The following SALL1 variants were observed in gnomAD, a reference collection of about 807,000 sequenced individuals.
The protein encoded by SALL1 is spalt like transcription factor 1.
A neutral mutation model predicts 73.1 loss-of-function variants in SALL1; 10 were observed. The ratio of observed to expected loss-of-function variants is 0.14; its 90% CI spans 0.08 to 0.23. The LOEUF is 0.23. SALL1 is among the 10% of genes least tolerant of loss of function. The probability of loss-of-function intolerance (pLI) is 1.00; values close to 1 mark genes in which losing one functional copy is unlikely to be tolerated. For synonymous variants in SALL1, 688 were observed against 689.8 expected (o/e 1.00, Z 0.04); for missense variants, 1,520 against 1,697.3 (o/e 0.90, Z 1.84).
At chr16:51,150,692 G>T in intron 1 of SALL1, 6 of 595,504 alleles carry the variant, frequency 1.0e-5, no homozygotes, top group Non-Finnish European at 1.3e-5. Flanking sequence ...CCCAGCGCCC[G>T]AAGTAAACTT....
chr16:51,147,023 C>G (rs977352326), intron 1 of SALL1, among the ~76,000 whole-genome samples: 4 of 152,100 alleles, frequency 2.6e-5, no homozygotes, highest in African/African-American at 9.7e-5. Flanking sequence ...AAAACTTAAC[C>G]AGTCTGCCTA....
At position 51,141,194 on chromosome 16, in the gene SALL1, A is replaced by G. The variant is rs1962419724; in HGVS notation, c.1028T>C (p.Ile343Thr). Reference sequence around the variant, plus strand: ...CGGGGTGGTAACTGCCGCTGCCAATATGTTCATATTGGGAGAAGAGCCGCT... The same window carrying G: ...CGGGGTGGTAACTGCCGCTGCCAATGTGTTCATATTGGGAGAAGAGCCGCT... ...SNSGSSPNMN[I>T]LAAAVTTPSS... Residue 343 changes from isoleucine to threonine, a missense_variant, in exon 2 of 3, where the codon ATA (isoleucine) becomes ACA (threonine). Ile to Thr is a moderately conservative substitution (Grantham distance 89). This residue lies in a region of SALL1 where 540 missense variants were observed against 567.5 expected (regional missense o/e 0.95). Coordinates refer to ENST00000251020, the MANE Select transcript of SALL1 (RefSeq NM_002968.3). The surrounding 1 kb of genome is among the most constrained non-coding windows in gnomAD (Gnocchi z 5.4). 1 of 1,614,006 alleles carries G rather than the reference A, an allele frequency of 6.2e-7. No homozygotes were observed. The highest frequency in any genetic ancestry group is 1.3e-5 in the African/African-American group (1 of 74,912).
In SALL1 at chr16:51,138,716, C is replaced by T. The variant is rs145583796; in HGVS notation, c.3506G>A (p.Arg1169Lys). The change falls in exon 2 of 3, where the codon AGA becomes AAA. Residue 1169 changes from arginine (R) to lysine (K), a missense_variant. Arg to Lys is a conservative substitution (Grantham distance 26, BLOSUM62 2). Coordinates refer to ENST00000251020, the MANE Select transcript of SALL1 (RefSeq NM_002968.3). ...EKPFACTICG[R>K]AFTTKGNLKV... ...AAGATTGCCTTTAGTCGTGAAAGCT[C>T]TTCCACAAATAGTGCAAGCAAAGGG... The T allele has an allele frequency of 1.2e-6, 2 of 1,613,938 alleles. No individual in the cohort carries two copies.
At position 51,145,261 on chromosome 16, in the gene SALL1, ATAAT is replaced by A. The variant is rs774430353; in HGVS notation, c.77-3120_77-3117del. On this transcript the variant is annotated intron_variant, in intron 1 of 2. Transcript: ENST00000251020. ...ACACACACGTACACACGAACATGTT[ATAAT>A]TAATTTTTCTGATTGTCTGCTATCT... is the stretch of plus-strand genomic sequence containing the variant. Among the ~76,000 whole-genome samples the A allele has an allele frequency of 1.5e-4, 23 of 151,756 alleles. 1 individual carries two copies. Among genetic ancestry groups the A allele is most frequent in the Non-Finnish European group, 1.9e-4 (13 of 67,752 alleles).
At position 51,136,708 on chromosome 16, in the gene SALL1, T is replaced by C; in HGVS notation, c.*404A>G. 3 of 276,092 alleles carry C rather than the reference T, an allele frequency of 1.1e-5. No individual in the cohort carries two copies. In the East Asian group the frequency reaches 2.8e-4, roughly 25 times the overall value. The allele number at this position is 276,092 out of a possible 1,614,324, so 17.1% of individuals were successfully genotyped here. A position where few individuals can be genotyped will look rare whatever the true frequency, so the allele number is the denominator to read the frequency against. ...GTATATACAGACTTTATTAGAGATCTAATGCATCACTGAGGCATTGCATCA... is the reference window on the plus strand; with the variant it reads ...GTATATACAGACTTTATTAGAGATCCAATGCATCACTGAGGCATTGCATCA... On this transcript the variant is annotated 3_prime_UTR_variant, in exon 3 of 3. Coordinates refer to ENST00000251020, the MANE Select transcript of SALL1 (RefSeq NM_002968.3).
At chr16:51,151,541 C>T (rs1205438443), upstream of SALL1, among the ~76,000 whole-genome samples, 1 of 151,890 alleles carries the variant, frequency 6.6e-6, no homozygotes, top group African/African-American at 2.4e-5. Flanking sequence ...AGACCCCTGT[C>T]TCTCCGCGCG....
Position 51,136,787 on chromosome 16 carries a change from A to G in SALL1, c.*325T>C. On this transcript the variant is annotated 3_prime_UTR_variant, in exon 3 of 3. Transcript: ENST00000251020. ...GAAAATAAGTTAATGCCAGATTACA[A>G]CTGCCTAGCAGGGCAACTTGCAATT... The G allele has an allele frequency of 2.7e-6, 1 of 365,468 alleles. No homozygotes were observed. The highest frequency in any genetic ancestry group is 5.1e-6 in the Non-Finnish European group (1 of 194,690). The allele number at this position is 365,468 out of a possible 1,614,324, so 22.6% of individuals were successfully genotyped here.
rs568447099 is a variant in SALL1 at position 51,150,393 on chromosome 16, G to C, written c.76+773C>G. The stretch of plus-strand genomic sequence containing the variant: ...GGCGCATACCGACCAGAAAGATTTT[G>C]GGGGGCAGAGGGTGCAAGTGTTGTG... On this transcript the variant is annotated intron_variant, in intron 1 of 2. Coordinates refer to ENST00000251020, the MANE Select transcript of SALL1 (RefSeq NM_002968.3). The C allele has an allele frequency of 1.5e-5, 15 of 985,302 alleles. No homozygotes were observed. The East Asian group carries it at 1.6e-3, about 105-fold the overall frequency. The allele number at this position is 985,302 out of a possible 1,614,324, so 61.0% of individuals were successfully genotyped here. A position where few individuals can be genotyped will look rare whatever the true frequency, so the allele number is the denominator to read the frequency against.
In SALL1 at chr16:51,140,994, C is replaced by T. The variant is rs371508788; in HGVS notation, c.1228G>A (p.Gly410Arg). 1.2e-5 allele frequency: 20 copies of T among 1,614,062 alleles called. No homozygotes were observed. The highest frequency in any genetic ancestry group is 3.3e-5 in the South Asian group (3 of 91,078). ...SVFPSPLPNI[G>R]TTAEDLNSLS... ...GAGTTTAAATCCTCTGCAGTTGTTC[C>T]GATGTTGGGCAAAGGGCTGGGGAAA... The change falls in exon 2 of 3, where the codon GGA (glycine) becomes AGA (arginine). Residue 410 changes from glycine (G) to arginine (R), a missense_variant. Transcript: ENST00000251020. This position sits in a 1 kb window ranked among gnomAD's most constrained non-coding sequence, Gnocchi z 5.7.
Position 51,140,362 on chromosome 16 carries a change from A to G in SALL1, c.1860T>C (p.Ser620=). ...EEAEGSTLPP[S]GGKSEESGMV... ...TGCCACTCTCTTCGCTTTTGCCACC[A>G]GAGGGTGGCAGAGTGGACCCTTCGG... The change falls in exon 2 of 3, where the codon TCT becomes TCC. Residue 620 remains serine, a synonymous_variant. Coordinates refer to ENST00000251020, the MANE Select transcript of SALL1 (RefSeq NM_002968.3). The surrounding 1 kb of genome is among the most constrained non-coding windows in gnomAD (Gnocchi z 5.7). 1 of 1,614,134 alleles carries G rather than the reference A, an allele frequency of 6.2e-7. No homozygotes were observed. Among genetic ancestry groups the G allele is most frequent in the Middle Eastern group, 1.6e-4 (1 of 6,062 alleles).
chr16:51,150,331 A>AC lies in SALL1; in HGVS notation c.76+834dup, dbSNP rs1419568752. ...AAACTATTCTATGACTTCTTCCCTG[A>AC]CCCCCCTGGAAGTAGGGAGCACCAC... On this transcript the variant is annotated intron_variant, in intron 1 of 2. Transcript: ENST00000251020. The AC allele has an allele frequency of 1.8e-5, 16 of 883,722 alleles. No homozygotes were observed. The Middle Eastern group carries it at 1.7e-3, about 94-fold the overall frequency. 54.7% of individuals were successfully genotyped at this position (883,722 alleles called of 1,614,324 possible).
At position 51,137,191 on chromosome 16, in the gene SALL1, T is replaced by C. The variant is rs757540490; in HGVS notation, c.3896A>G (p.Lys1299Arg). ...GGTTCCGTTCTCACTGCTTGCCATT[T>C]TCTCCAGGCCGGCCAGGGGAGCATT... ...EPNAPLAGLE[K>R]MASSENGTNF... Residue 1299 changes from lysine to arginine, a missense_variant, in exon 3 of 3, where the codon AAA (lysine) becomes AGA (arginine). Lys to Arg is a conservative substitution (Grantham distance 26). Transcript: ENST00000251020. 1.2e-6 allele frequency: 2 copies of C among 1,614,168 alleles called. No individual in the cohort carries two copies. Among genetic ancestry groups the C allele is most frequent in the Non-Finnish European group, 1.7e-6 (2 of 1,180,026 alleles).
Position 51,140,193 on chromosome 16 carries a change from C to G in SALL1, c.2029G>C (p.Gly677Arg). 1 of 1,614,140 alleles carries G rather than the reference C, an allele frequency of 6.2e-7. No individual in the cohort carries two copies. Among genetic ancestry groups the G allele is most frequent in the Non-Finnish European group, 8.5e-7 (1 of 1,180,040 alleles). Reference sequence around the variant, plus strand: ...GCCTGAGCTGAGTCCAGGAGTCCCCCAAAAGGAAACTTGGCCTTGAACTGC... The same window carrying G: ...GCCTGAGCTGAGTCCAGGAGTCCCCGAAAAGGAAACTTGGCCTTGAACTGC... ...SEQFKAKFPF[G>R]GLLDSAQASE... is the part of the protein sequence containing the mutation. The change falls in exon 2 of 3, where the codon GGG becomes CGG. Residue 677 changes from glycine to arginine, a missense_variant. This residue lies in a region of SALL1 where 276 missense variants were observed against 259.1 expected (regional missense o/e 1.07). Transcript: ENST00000251020. The surrounding 1 kb of genome is among the most constrained non-coding windows in gnomAD (Gnocchi z 5.7).
In SALL1 at chr16:51,142,150, A is replaced by T. The variant is rs1271308463; in HGVS notation, c.77-5T>A. The stretch of plus-strand genomic sequence containing the variant: ...GTTGACCCTTTTCTGTGTCTCCTAC[A>T]AATGTCAAAAAGGTGCAGGATTAGA... On this transcript the variant is annotated splice_polypyrimidine_tract_variant and splice_region_variant and intron_variant, in intron 1 of 2. Transcript: ENST00000251020. 1.2e-6 allele frequency: 2 copies of T among 1,608,732 alleles called. No homozygotes were observed. The highest frequency in any genetic ancestry group is 1.7e-6 in the Non-Finnish European group (2 of 1,176,578).
At chr16:51,147,850 T>C (rs151186608) in intron 1 of SALL1, among the ~76,000 whole-genome samples, 270 of 146,378 alleles carry the variant, frequency 1.8e-3, no homozygotes, top group Middle Eastern at 7.4e-3. Flanking sequence ...ATAACTGAAA[T>C]CCCAATTTGT....
intron 1 of SALL1, among the ~76,000 whole-genome samples, chr16:51,145,213 C>T (rs1179782378): frequency 6.5e-5 from 3 of 46,486 alleles, no homozygotes; most frequent in Non-Finnish European, 1.1e-4. Context: ...CTCTCACACA[C>T]ACATACACAC....
In SALL1 at chr16:51,137,509, C is replaced by T. The variant is rs868389865; in HGVS notation, c.3578G>A (p.Arg1193Gln). The change falls in exon 3 of 3, where the codon CGG becomes CAG. Residue 1193 changes from arginine to glutamine, a missense_variant. By Grantham distance (43) the Arg-to-Gln change is conservative. Transcript: ENST00000251020. ...THMWNSTPAR[R>Q]GRRLSVDGPM... ...GCCATCCACAGAGAGCCGCCGACCC[C>T]GTCGTGCAGGGGTGCTATTCCACAT... 5.0e-6 allele frequency: 8 copies of T among 1,613,798 alleles called. No individual in the cohort carries two copies. Among genetic ancestry groups the T allele is most frequent in the East Asian group, 2.2e-5 (1 of 44,846 alleles).
Position 51,137,313 on chromosome 16 carries a change from A to C in SALL1, c.3774T>G (p.Gly1258=), listed in dbSNP as rs1962323533. The C allele has an allele frequency of 6.2e-7, 1 of 1,613,872 alleles. No homozygotes were observed. The highest frequency in any genetic ancestry group is 2.2e-5 in the East Asian group (1 of 44,864). Residue 1258 remains glycine, a synonymous_variant, in exon 3 of 3, where the codon GGT becomes GGG. Coordinates refer to ENST00000251020, the MANE Select transcript of SALL1 (RefSeq NM_002968.3). ...KANEISVIQN[G]GIPPIPGSLG... Reference sequence around the variant, plus strand: ...GGCTTCCAGGAATTGGAGGGATGCCACCGTTCTGAATGACGGAGATCTCGT... The same window carrying C: ...GGCTTCCAGGAATTGGAGGGATGCCCCCGTTCTGAATGACGGAGATCTCGT...
At chr16:51,151,113 G>T in intron 1 of SALL1, 53 bp downstream of exon 1, 1 of 1,383,520 alleles carries the variant, frequency 7.2e-7, no homozygotes, top group Admixed American at 2.1e-5. Context: ...GTCCGAGTGT[G>T]CGTGAGTGTG....
Sources: gnomAD v4.1 joint callset for allele counts (sites outside exome capture counted in the v4.1 genomes callset) on GRCh38, gnomAD v4.1.1 for gene constraint, gnomAD v4.1.1 regional missense constraint, Gnocchi (gnomAD v3.1) non-coding constraint, MANE v1.5 for transcripts, NCBI Gene and HGNC (gene_info 2026-07-23, HGNC 2026-07-21) for gene names.